Variants in HS3ST5 observed in about 807,000 individuals in gnomAD.
HS3ST5 encodes heparan sulfate glucosamine 3-O-sulfotransferase 5.
A neutral mutation model predicts 25.4 loss-of-function variants in HS3ST5; 10 were observed. That is an observed-to-expected ratio of 0.39 (90% CI 0.24 to 0.67). The LOEUF (loss-of-function observed/expected upper bound fraction) is 0.67. Among genes scored for constraint, HS3ST5 ranks in the 30% least tolerant of loss-of-function variants. The probability of loss-of-function intolerance (pLI) is 0.44; values close to 1 mark genes in which losing one functional copy is unlikely to be tolerated. For missense variants in HS3ST5, 324 were observed against 420.7 expected, an observed-to-expected ratio of 0.77 and a Z score of 2.01; for synonymous variants, 170 against 162.4, an observed-to-expected ratio of 1.05 and a Z score of -0.36.
At chr6:114,223,459 A>C (rs555858177) in intron 2 of HS3ST5, among the ~76,000 whole-genome samples, 2 of 151,926 alleles carry the variant, frequency 1.3e-5, no homozygotes, top group Admixed American at 1.3e-4. Flanking sequence ...GGAGTCTGCA[A>C]AATGAAGGCA....
chr6:114,093,166 G>A (rs906422896), intron 3 of HS3ST5, among the ~76,000 whole-genome samples: 22 of 151,918 alleles, frequency 1.4e-4, no homozygotes, highest in Non-Finnish European at 1.0e-4. Context: ...TTCAAAGACC[G>A]TAATCCTCCA....
At chr6:114,302,472 T>C (rs1775118905) in intron 1 of HS3ST5, among the ~76,000 whole-genome samples, 1 of 152,160 alleles carries the variant, frequency 6.6e-6, no homozygotes, top group Admixed American at 6.5e-5. Flanking sequence ...CACCTGCTAC[T>C]TAAGTAAAAC....
intron 2 of HS3ST5, among the ~76,000 whole-genome samples, chr6:114,197,451 A>T (rs540725253): frequency 6.6e-6 from 1 of 152,262 alleles, no homozygotes; most frequent in East Asian, 1.9e-4. Flanking sequence ...TGTCAAATTT[A>T]AAAAATCTCA....
intron 1 of HS3ST5, among the ~76,000 whole-genome samples, chr6:114,308,599 C>T (rs1448773426): frequency 2.0e-5 from 3 of 151,816 alleles, no homozygotes; most frequent in Non-Finnish European, 2.9e-5. Context: ...AAAACAAAAA[C>T]AAAAACAAAA....
intron 3 of HS3ST5, among the ~76,000 whole-genome samples, chr6:114,160,614 T>C (rs930478944): frequency 4.6e-5 from 7 of 152,242 alleles, no homozygotes; most frequent in East Asian, 1.9e-4. Context: ...TATTTTTCAG[T>C]AATATATCCT....
intron 1 of HS3ST5, among the ~76,000 whole-genome samples, chr6:114,294,300 G>A (rs1402652489): frequency 6.6e-6 from 1 of 152,164 alleles, no homozygotes; most frequent in African/African-American, 2.4e-5. Flanking sequence ...TTGTTTCTGA[G>A]GTATTCAGGC....
At chr6:114,288,655 C>CAATGATTATCT (rs6149762) in intron 1 of HS3ST5, among the ~76,000 whole-genome samples, 3 of 151,468 alleles carry the variant, frequency 2.0e-5, no homozygotes, top group South Asian at 2.1e-4. Flanking sequence ...TTGTGAGGTA[C>CAATGATTATCT]TTGACCAATC....
chr6:114,171,988 C>A (rs1779495965), intron 2 of HS3ST5, among the ~76,000 whole-genome samples: 3 of 152,122 alleles, frequency 2.0e-5, no homozygotes, highest in African/African-American at 7.2e-5. Flanking sequence ...AAAACCAGGG[C>A]TTTCTATTCT....
chr6:114,257,778 C>G (rs1454159628), intron 1 of HS3ST5, among the ~76,000 whole-genome samples: 3 of 151,960 alleles, frequency 2.0e-5, no homozygotes, highest in Admixed American at 6.6e-5. Context: ...ACTCTGTCAC[C>G]CAGGCTGGAG....
intron 3 of HS3ST5, among the ~76,000 whole-genome samples, chr6:114,144,831 G>A (rs1778075732): frequency 6.6e-6 from 1 of 152,132 alleles, no homozygotes; most frequent in South Asian, 2.1e-4. Flanking sequence ...AATTAAATGA[G>A]TAACGTTTGT....
At chr6:114,244,631 A>G (rs1160053319) in intron 1 of HS3ST5, among the ~76,000 whole-genome samples, 1 of 152,172 alleles carries the variant, frequency 6.6e-6, no homozygotes, top group East Asian at 1.9e-4. Flanking sequence ...GCTGTGCTCC[A>G]AAGTTAGTAG....
intron 1 of HS3ST5, among the ~76,000 whole-genome samples, chr6:114,250,262 G>A (rs1420200315): frequency 6.6e-6 from 1 of 152,126 alleles, no homozygotes; most frequent in Non-Finnish European, 1.5e-5. Context: ...TATTTTCATT[G>A]ACTAGAATAT....
intron 3 of HS3ST5, among the ~76,000 whole-genome samples, chr6:114,120,530 T>C (rs1216456097): frequency 1.3e-5 from 2 of 152,160 alleles, no homozygotes; most frequent in Non-Finnish European, 2.9e-5. Context: ...AACAACAGAT[T>C]TATCTCACAC....
chr6:114,167,931 A>G (rs1382920865), intron 3 of HS3ST5, among the ~76,000 whole-genome samples: 1 of 152,144 alleles, frequency 6.6e-6, no homozygotes, highest in Non-Finnish European at 1.5e-5. Flanking sequence ...CAGACCTAAA[A>G]CTATCAAAGA....
chr6:114,138,630 G>C (rs1582642287), intron 3 of HS3ST5, among the ~76,000 whole-genome samples: 2 of 152,284 alleles, frequency 1.3e-5, no homozygotes, highest in Non-Finnish European at 2.9e-5. Flanking sequence ...CTTTGTACCG[G>C]ACCCATCTAC....
chr6:114,112,504 G>A (rs1776316469), intron 3 of HS3ST5: 1 of 152,200 alleles, frequency 6.6e-6, no homozygotes, highest in Non-Finnish European at 1.5e-5. Flanking sequence ...ATCAATTTGT[G>A]TTCCCTAAGC....
intron 2 of HS3ST5, among the ~76,000 whole-genome samples, chr6:114,171,624 G>A (rs1475419907): frequency 6.6e-6 from 1 of 152,186 alleles, no homozygotes; most frequent in African/African-American, 2.4e-5. Context: ...CCATTTTACA[G>A]ATGAATGAAG....
At chr6:114,114,141 C>T (rs1191943783) in intron 3 of HS3ST5, among the ~76,000 whole-genome samples, 1 of 152,066 alleles carries the variant, frequency 6.6e-6, no homozygotes, top group Non-Finnish European at 1.5e-5. Context: ...AATGGAATAA[C>T]CTGGGTGGTG....
At chr6:114,129,348 T>C (rs971812909) in intron 3 of HS3ST5, among the ~76,000 whole-genome samples, 1 of 146,040 alleles carries the variant, frequency 6.8e-6, no homozygotes, top group Non-Finnish European at 1.5e-5. Context: ...CTCCGCCTCC[T>C]GGGTTCACAC....
Sources: gnomAD v4.1 joint callset for allele counts (sites outside exome capture counted in the v4.1 genomes callset) on GRCh38, gnomAD v4.1.1 for gene constraint, MANE v1.5 for transcripts, NCBI Gene and HGNC (gene_info 2026-07-23, HGNC 2026-07-21) for gene names.